DDX42: variants seen among roughly 807,000 people sequenced by gnomAD.
DDX42 encodes the protein DEAD-box helicase 42.
DDX42 carries 22 observed loss-of-function variants against 101.5 expected under a neutral mutation model. That is an observed-to-expected ratio of 0.22 (90% CI 0.15 to 0.31). DDX42 has a LOEUF of 0.31. Among genes scored for constraint, DDX42 ranks in the 10% least tolerant of loss-of-function variants. DDX42 has a pLI of 1.00. For synonymous variants in DDX42, 402 were observed against 401.2 expected (o/e 1.00, Z -0.02); for missense variants, 849 against 1,199.9 (o/e 0.71, Z 4.32).
chr17:63,816,423 T>C (rs2039977454), intron 16 of DDX42, among the ~76,000 whole-genome samples: 1 of 152,204 alleles, frequency 6.6e-6, no homozygotes, highest in South Asian at 2.1e-4. Flanking sequence ...TCAAAATAAC[T>C]GAATGGAAGT....
At chr17:63,787,993 C>T (rs895914207) in intron 2 of DDX42, among the ~76,000 whole-genome samples, 4 of 145,964 alleles carry the variant, frequency 2.7e-5, no homozygotes, top group African/African-American at 1.0e-4. Context: ...CAACTTCAAC[C>T]TCTCGAGTTC....
intron 1 of DDX42, among the ~76,000 whole-genome samples, chr17:63,785,462 AC>A (rs1243338253): frequency 6.9e-6 from 1 of 144,544 alleles, no homozygotes; most frequent in Non-Finnish European, 1.5e-5. Context: ...AAAACAAAAA[AC>A]AAAAAAATTT....
intron 1 of DDX42, among the ~76,000 whole-genome samples, chr17:63,775,399 G>A (rs555814748): frequency 6.6e-6 from 1 of 152,282 alleles, no homozygotes; most frequent in Non-Finnish European, 1.5e-5. Flanking sequence ...CTAGTAGCGG[G>A]AGGAGAGGCA....
At chr17:63,778,587 T>C (rs913936344) in intron 1 of DDX42, among the ~76,000 whole-genome samples, 1 of 152,122 alleles carries the variant, frequency 6.6e-6, no homozygotes, top group African/African-American at 2.4e-5. Context: ...AAATAGGCAC[T>C]CAGTATATTT....
At chr17:63,807,490 A>T (rs2039857061) in intron 8 of DDX42, among the ~76,000 whole-genome samples, 1 of 152,168 alleles carries the variant, frequency 6.6e-6, no homozygotes. Flanking sequence ...TCTGTTCTGT[A>T]AGTGGTGGCT....
intron 8 of DDX42, among the ~76,000 whole-genome samples, chr17:63,807,511 T>C (rs1309849118): frequency 2.0e-5 from 3 of 152,242 alleles, no homozygotes; most frequent in African/African-American, 7.2e-5. Context: ...GATATCCACG[T>C]AATGAGAATG....
At chr17:63,790,995 AC>A (rs1447153391) in intron 2 of DDX42, among the ~76,000 whole-genome samples, 2 of 152,244 alleles carry the variant, frequency 1.3e-5, no homozygotes, top group African/African-American at 2.4e-5. Flanking sequence ...AGTCAGTGTT[AC>A]ATTAGTGTGT....
At chr17:63,816,847 T>C (rs546886497) in intron 16 of DDX42, 21 bp from the exon 17 acceptor site, 3 of 1,599,134 alleles carry the variant, frequency 1.9e-6, no homozygotes, top group Non-Finnish European at 2.6e-6. Flanking sequence ...TTCATTCTCA[T>C]AGATGTGTTT....
At chr17:63,802,112 T>G (rs982897509) in intron 6 of DDX42, among the ~76,000 whole-genome samples, 4 of 152,148 alleles carry the variant, frequency 2.6e-5, no homozygotes, top group Admixed American at 2.0e-4. Flanking sequence ...GCTGATGCCT[T>G]AGCATGAATC....
intron 3 of DDX42, among the ~76,000 whole-genome samples, chr17:63,797,578 C>T (rs774392786): frequency 4.6e-5 from 7 of 152,122 alleles, no homozygotes; most frequent in Non-Finnish European, 1.0e-4. Context: ...ATCAGCTGTA[C>T]CACCCCCAAA....
At chr17:63,797,892 A>G (rs1872022394) in intron 3 of DDX42, 146 bp from the exon 4 acceptor site, 1 of 681,814 alleles carries the variant, frequency 1.5e-6, no homozygotes, top group Non-Finnish European at 2.4e-6. Flanking sequence ...TCTTTGAAAA[A>G]TAATTGTCAA....
At chr17:63,811,623 A>G in intron 13 of DDX42, 1 of 491,458 alleles carries the variant, frequency 2.0e-6, no homozygotes, top group South Asian at 2.4e-5. Flanking sequence ...GTGAAAAATT[A>G]CTCTGAATTG....
chr17:63,788,141 G>C (rs904996962), intron 2 of DDX42, among the ~76,000 whole-genome samples: 1 of 151,824 alleles, frequency 6.6e-6, no homozygotes, highest in Non-Finnish European at 1.5e-5. Context: ...CTGACCTCAG[G>C]TGAACTGCCC....
intron 2 of DDX42, among the ~76,000 whole-genome samples, chr17:63,789,565 GTTTTTGTT>G (rs2039598601): frequency 2.8e-4 from 10 of 36,362 alleles, no homozygotes; most frequent in African/African-American, 7.7e-4. Flanking sequence ...TTTTGTTTTT[GTTTTTGTT>G]TTTTTTTTTT....
At chr17:63,774,125 C>A (rs9913323), upstream of DDX42, 111,262 of 239,288 alleles carry the variant, frequency 0.46, 39,693 homozygotes, top group African/African-American at 0.89. Context: ...AGCCCCGGCC[C>A]CGCCCTTCTG....
At chr17:63,808,669 T>C in intron 9 of DDX42, 151 bp from the exon 10 acceptor site, 1 of 758,860 alleles carries the variant, frequency 1.3e-6, no homozygotes, top group Non-Finnish European at 2.1e-6. Context: ...TCCATTCATT[T>C]ATACCTTTAT....
At chr17:63,809,095 T>G (rs2039878708) in intron 10 of DDX42, 147 bp downstream of exon 10, 3 of 1,192,382 alleles carry the variant, frequency 2.5e-6, no homozygotes, top group Non-Finnish European at 3.5e-6. Context: ...TAATTTTGAT[T>G]GGTGGCTAAA....
chr17:63,811,612 T>C (rs1237430331), intron 13 of DDX42: 7 of 475,282 alleles, frequency 1.5e-5, no homozygotes, highest in Non-Finnish European at 2.7e-5. Flanking sequence ...ATATGCGCTA[T>C]GTGAAAAATT....
At chr17:63,774,066 C>G (rs1281453332), upstream of DDX42, 1 of 221,822 alleles carries the variant, frequency 4.5e-6, no homozygotes, top group Non-Finnish European at 8.9e-6. Flanking sequence ...ATCTGAGGAG[C>G]CTGTGAGGCG....
Sources: gnomAD v4.1 joint callset for allele counts (sites outside exome capture counted in the v4.1 genomes callset) on GRCh38, gnomAD v4.1.1 for gene constraint, MANE v1.5 for transcripts, NCBI Gene and HGNC (gene_info 2026-07-23, HGNC 2026-07-21) for gene names.